The following PCDHGA10 variants were observed in gnomAD, a reference collection of about 807,000 sequenced individuals.
The protein encoded by PCDHGA10 is protocadherin gamma-A10.
Under a neutral mutation model 59.5 loss-of-function variants are expected in PCDHGA10, and 42 were observed. The observed-to-expected ratio is 0.71, with a 90% CI of 0.55 to 0.91. PCDHGA10 has a LOEUF of 0.91. Ranked by LOEUF, PCDHGA10 falls within the 40% of genes least tolerant of loss-of-function variation. The probability of loss-of-function intolerance (pLI) is 0.00; values close to 1 mark genes in which losing one functional copy is unlikely to be tolerated. For synonymous variants in PCDHGA10, 511 were observed against 517.2 expected, an observed-to-expected ratio of 0.99 and a Z score of 0.16; for missense variants, 1,111 against 1,198.2, an observed-to-expected ratio of 0.93 and a Z score of 1.07.
intron 1 of PCDHGA10, chr5:141,417,045 A>G (rs890407837): frequency 7.2e-5 from 11 of 152,144 alleles, no homozygotes; most frequent in Admixed American, 1.3e-4. Context: ...TTTTAAAAAA[A>G]ACTGCTCTTG....
Position 141,414,855 on chromosome 5 carries a change from C to G in PCDHGA10, c.1680C>G (p.Asn560Lys). 6.2e-7 allele frequency: 1 copy of G among 1,614,238 alleles called. No homozygotes were observed. Among genetic ancestry groups the G allele is most frequent in the South Asian group, 1.1e-5 (1 of 91,088 alleles). The stretch of plus-strand genomic sequence containing the variant: ...TGAGCCTGTTTGTGCTGGACCAGAA[C>G]GACAATGCGCCCGAGATCCTGTACC... ...VSLSLFVLDQ[N>K]DNAPEILYPA... Residue 560 changes from asparagine to lysine, a missense_variant, in exon 1 of 4, where the codon AAC (asparagine) becomes AAG (lysine). Physicochemically the swap from Asn to Lys is moderately conservative, Grantham distance 94. Coordinates refer to ENST00000398610, the MANE Select transcript of PCDHGA10 (RefSeq NM_018913.3).
At chr5:141,469,362 G>C (rs915161729) in intron 1 of PCDHGA10, among the ~76,000 whole-genome samples, 14 of 152,084 alleles carry the variant, frequency 9.2e-5, no homozygotes, top group Non-Finnish European at 7.4e-5. Flanking sequence ...GGATCATGAG[G>C]TAAAGAGATC....
intron 1 of PCDHGA10, chr5:141,421,470 A>T: frequency 2.5e-6 from 4 of 1,614,130 alleles, no homozygotes; most frequent in Non-Finnish European, 3.4e-6. Context: ...TGAATCCGCG[A>T]AGCGGCAGCT....
intron 1 of PCDHGA10, among the ~76,000 whole-genome samples, chr5:141,465,576 C>T (rs1002696285): frequency 6.6e-6 from 1 of 152,136 alleles, no homozygotes; most frequent in Non-Finnish European, 1.5e-5. Context: ...TCTCAAAACA[C>T]TCTCATAATA....
intron 1 of PCDHGA10, 63 bp from the exon 2 acceptor site, chr5:141,494,744 G>T: frequency 6.2e-7 from 1 of 1,612,702 alleles, no homozygotes; most frequent in South Asian, 1.1e-5. Flanking sequence ...CATCCCTAGG[G>T]GCTCGGGTGA....
intron 2 of PCDHGA10, among the ~76,000 whole-genome samples, chr5:141,500,844 T>C (rs190011905): frequency 6.6e-6 from 1 of 152,204 alleles, no homozygotes; most frequent in Non-Finnish European, 1.5e-5. Flanking sequence ...AATGGGCTTT[T>C]GCTACATTAG....
In PCDHGA10 at chr5:141,460,596, C is replaced by A. The variant is rs930441447; in HGVS notation, c.2437-34211C>A. On this transcript the variant is annotated intron_variant, in intron 1 of 3. Transcript: ENST00000398610. ...TGTAGGTGTGGGTTTTTTCTGGGCT[C>A]TCTGTGTTAGATGGATAGATAGACA... Among the ~76,000 whole-genome samples the A allele has an allele frequency of 1.3e-5, 2 of 151,986 alleles. 1 individual carries two copies. The highest frequency in any genetic ancestry group is 4.1e-4 in the South Asian group (2 of 4,824).
In PCDHGA10 at chr5:141,482,326, GAAT is replaced by G. The variant is rs1344469521; in HGVS notation, c.2437-12479_2437-12477del. Among the ~76,000 whole-genome samples, 3 of 152,072 alleles carry G rather than the reference GAAT, an allele frequency of 2.0e-5. No homozygotes were observed. The East Asian group carries it at 5.8e-4, about 29-fold the overall frequency. ...AGTTTCCTCATCTATAAAATAAAGAGAATATCTACTTTGCAAACTTGTTGTGAG... is the reference window on the plus strand; with the variant it reads ...AGTTTCCTCATCTATAAAATAAAGAGATCTACTTTGCAAACTTGTTGTGAG... On this transcript the variant is annotated intron_variant, in intron 1 of 3. Transcript: ENST00000398610.
At chr5:141,478,339 C>A in intron 1 of PCDHGA10, 1 of 1,613,918 alleles carries the variant, frequency 6.2e-7, no homozygotes, top group Admixed American at 1.7e-5. Flanking sequence ...CAGGGCCCTC[C>A]TTGCACGCGG....
intron 1 of PCDHGA10, among the ~76,000 whole-genome samples, chr5:141,457,594 TA>T (rs1239366532): frequency 6.6e-6 from 1 of 152,250 alleles, no homozygotes; most frequent in Non-Finnish European, 1.5e-5. Flanking sequence ...TCATTTTTGG[TA>T]AAAACTAATT....
chr5:141,458,104 A>G (rs969775517), intron 1 of PCDHGA10, among the ~76,000 whole-genome samples: 6 of 152,232 alleles, frequency 3.9e-5, no homozygotes, highest in Non-Finnish European at 8.8e-5. Flanking sequence ...ACTTACAGAT[A>G]GTCTCCAAAT....
At chr5:141,433,266 T>C in intron 1 of PCDHGA10, 1 of 1,315,306 alleles carries the variant, frequency 7.6e-7, no homozygotes, top group Non-Finnish European at 1.1e-6. Flanking sequence ...CGATCATAGC[T>C]CACTGCAGCC....
In PCDHGA10 at chr5:141,486,336, G is replaced by A. The variant is rs534793835; in HGVS notation, c.2437-8471G>A. 3.8e-5 allele frequency: 61 copies of A among 1,613,992 alleles called. No individual in the cohort carries two copies. In the African/African-American group the frequency reaches 4.3e-4, roughly 11 times the overall value. On this transcript the variant is annotated intron_variant, in intron 1 of 3. Coordinates refer to ENST00000398610, the MANE Select transcript of PCDHGA10 (RefSeq NM_018913.3). The surrounding 1 kb of genome is among the most constrained non-coding windows in gnomAD (Gnocchi z 5.0). The stretch of plus-strand genomic sequence containing the variant: ...GGGTCAAACGGAGATGTGAGCCTCC[G>A]CATTCCTGACCACTTGCCATTTGCC...
chr5:141,476,672 A>T lies in PCDHGA10; in HGVS notation c.2437-18135A>T. 6.2e-7 allele frequency: 1 copy of T among 1,614,206 alleles called. No individual in the cohort carries two copies. Among genetic ancestry groups the T allele is most frequent in the African/African-American group, 1.3e-5 (1 of 75,058 alleles). ...TGAATACTTTGCGCTTCGCGTGCAG[A>T]CGCGGGAGGACAGCACCAAGTACGC... On this transcript the variant is annotated intron_variant, in intron 1 of 3. Transcript: ENST00000398610. The surrounding 1 kb of genome is among the most constrained non-coding windows in gnomAD (Gnocchi z 7.6).
At chr5:141,471,046 C>CT (rs1170588345) in intron 1 of PCDHGA10, among the ~76,000 whole-genome samples, 3,156 of 113,234 alleles carry the variant, frequency 0.028, 57 homozygotes, top group African/African-American at 0.046. Context: ...CCCAAGCCCT[C>CT]TTTTTTTTTT....
intron 1 of PCDHGA10, chr5:141,478,025 A>G (rs939969624): frequency 1.9e-6 from 3 of 1,614,146 alleles, no homozygotes; most frequent in Non-Finnish European, 2.5e-6. Flanking sequence ...AGTCCAAGAC[A>G]CAGATTCACC....
At chr5:141,484,102 A>T (rs1404220648) in intron 1 of PCDHGA10, among the ~76,000 whole-genome samples, 1 of 152,206 alleles carries the variant, frequency 6.6e-6, no homozygotes, top group African/African-American at 2.4e-5. Flanking sequence ...GTTGGTAATT[A>T]ACAAAAGATC....
At position 141,486,641 on chromosome 5, in the gene PCDHGA10, A is replaced by C; in HGVS notation, c.2437-8166A>C. On this transcript the variant is annotated intron_variant, in intron 1 of 3. Transcript: ENST00000398610. The surrounding 1 kb of genome is among the most constrained non-coding windows in gnomAD (Gnocchi z 5.0). ...CCCAGACTCTGGCTTGAATGCGCTTATCTCCTACTCACTCCTGGAGCCCAG... is the reference window on the plus strand; with the variant it reads ...CCCAGACTCTGGCTTGAATGCGCTTCTCTCCTACTCACTCCTGGAGCCCAG... 6.2e-7 allele frequency: 1 copy of C among 1,613,734 alleles called. No individual in the cohort carries two copies. The highest frequency in any genetic ancestry group is 1.6e-4 in the Middle Eastern group (1 of 6,062).
At chr5:141,495,492 G>C (rs1321150765) in intron 2 of PCDHGA10, among the ~76,000 whole-genome samples, 1 of 152,148 alleles carries the variant, frequency 6.6e-6, no homozygotes, top group Non-Finnish European at 1.5e-5. Flanking sequence ...CCTTTTTCTT[G>C]AGTTTCCGTC....
Sources: allele counts gnomAD v4.1 joint callset (sites outside exome capture counted in the v4.1 genomes callset), GRCh38; gene constraint gnomAD v4.1.1; non-coding constraint Gnocchi (gnomAD v3.1); transcripts MANE v1.5; gene names NCBI Gene and HGNC (gene_info 2026-07-23, HGNC 2026-07-21).